RXRA: variants seen among roughly 807,000 people sequenced by gnomAD.
RXRA encodes retinoic acid receptor RXR-alpha.
Under a neutral mutation model 44.5 loss-of-function variants are expected in RXRA, and 5 were observed. The ratio of observed to expected loss-of-function variants is 0.11; its 90% confidence interval spans 0.06 to 0.24. The LOEUF is 0.24. Among genes scored for constraint, RXRA ranks in the 10% least tolerant of loss-of-function variants. RXRA has a pLI of 1.00. For missense variants in RXRA, 412 were observed against 646.5 expected (o/e 0.64, Z 3.93); for synonymous variants, 291 against 271.4 (o/e 1.07, Z -0.71).
At chr9:134,361,885 C>G (rs1410853517) in intron 1 of RXRA, among the ~76,000 whole-genome samples, 1 of 152,198 alleles carries the variant, frequency 6.6e-6, no homozygotes, top group Non-Finnish European at 1.5e-5. Flanking sequence ...GGGTCCCCAT[C>G]TGTAGAATGG....
In RXRA at chr9:134,433,819, G is replaced by A. The variant is rs977956351; in HGVS notation, c.1136-283G>A. On this transcript the variant is annotated intron_variant, in intron 8 of 9. Transcript: ENST00000481739. This position sits in a 1 kb window ranked among gnomAD's most constrained non-coding sequence, Gnocchi z 4.2. The stretch of plus-strand genomic sequence containing the variant: ...CTGACACTTTATCGATGGGGAAACC[G>A]AGTCTCTGGAGGTCAAATAGTTGAC... Among the ~76,000 whole-genome samples the A allele has an allele frequency of 1.3e-5, 2 of 152,188 alleles. No individual in the cohort carries two copies. Among genetic ancestry groups the A allele is most frequent in the Non-Finnish European group, 1.5e-5 (1 of 68,020 alleles).
At chr9:134,423,879 C>T (rs1283817772) in intron 6 of RXRA, 26 of 984,882 alleles carry the variant, frequency 2.6e-5, no homozygotes, top group African/African-American at 3.5e-5. Context: ...GCTCCCACCC[C>T]ACCCCAACCC....
chr9:134,387,685 C>T (rs1323515536), intron 1 of RXRA, among the ~76,000 whole-genome samples: 1 of 152,230 alleles, frequency 6.6e-6, no homozygotes. Flanking sequence ...CATGAGCGTT[C>T]CCCGCATTTT....
In RXRA at chr9:134,439,726, A is replaced by G. The variant is rs1394495310; in HGVS notation, c.*3112A>G. ...GCTCGTCCACGCAGGTGTGTGGTGT[A>G]AACATGTATGTGCTGTACAGAGAGA... On this transcript the variant is annotated 3_prime_UTR_variant, in exon 10 of 10. Coordinates refer to ENST00000481739, the MANE Select transcript of RXRA (RefSeq NM_002957.6). 3 of 152,410 alleles carry G rather than the reference A, an allele frequency of 2.0e-5. No homozygotes were observed. Among genetic ancestry groups the G allele is most frequent in the African/African-American group, 7.2e-5 (3 of 41,464 alleles). The allele number at this position is 152,410 out of a possible 1,614,324, so 9.4% of individuals were successfully genotyped here. A position where few individuals can be genotyped will look rare whatever the true frequency, so the allele number is the denominator to read the frequency against.
intron 6 of RXRA, 103 bp downstream of exon 6, chr9:134,421,908 CTG>C (rs1831339350): frequency 1.3e-6 from 2 of 1,537,980 alleles, no homozygotes; most frequent in Non-Finnish European, 1.7e-6. Flanking sequence ...GGACACTCCC[CTG>C]TCCTGGGACA....
At chr9:134,414,089 C>A (rs1831195016) in intron 4 of RXRA, among the ~76,000 whole-genome samples, 1 of 152,266 alleles carries the variant, frequency 6.6e-6, no homozygotes, top group African/African-American at 2.4e-5. Context: ...AAGCATAAAT[C>A]CCGGCCCCTC....
At chr9:134,428,073 G>A (rs536579716) in intron 6 of RXRA, among the ~76,000 whole-genome samples, 19 of 152,294 alleles carry the variant, frequency 1.2e-4, no homozygotes, top group Non-Finnish European at 2.5e-4. Context: ...GCGTGTGCAC[G>A]CGAGGGTCCC....
At chr9:134,396,795 CCT>C (rs1286145362) in intron 1 of RXRA, among the ~76,000 whole-genome samples, 2 of 152,204 alleles carry the variant, frequency 1.3e-5, no homozygotes, top group Non-Finnish European at 2.9e-5. Flanking sequence ...GTCCGGGTGT[CCT>C]CTGTTTTTCA....
chr9:134,327,063 G>C (rs1406724527), intron 1 of RXRA, among the ~76,000 whole-genome samples: 1 of 151,976 alleles, frequency 6.6e-6, no homozygotes, highest in Non-Finnish European at 1.5e-5. Flanking sequence ...GGGACGGCGC[G>C]CTGGGCCCCG....
chr9:134,424,890 GC>G lies in RXRA; in HGVS notation c.910+3089del, dbSNP rs1168746715. 4.1e-6 allele frequency: 4 copies of G among 985,226 alleles called. No homozygotes were observed. The African/African-American group carries it at 5.2e-5, about 13-fold the overall frequency. The allele number at this position is 985,226 out of a possible 1,614,324, so 61.0% of individuals were successfully genotyped here. On this transcript the variant is annotated intron_variant, in intron 6 of 9. Transcript: ENST00000481739. The stretch of plus-strand genomic sequence containing the variant: ...GGCAGGAGGCAGTGGCAGAGGTGAG[GC>G]CCCGCCCAGCTCCGGCAGGTGCCAG...
chr9:134,335,947 C>A (rs1270711447), intron 1 of RXRA, among the ~76,000 whole-genome samples: 1 of 152,194 alleles, frequency 6.6e-6, no homozygotes, highest in Non-Finnish European at 1.5e-5. Flanking sequence ...TGTGTGAGTG[C>A]AAGGCTATTG....
intron 1 of RXRA, among the ~76,000 whole-genome samples, chr9:134,359,642 G>T (rs1054667608): frequency 1.5e-4 from 23 of 152,150 alleles, no homozygotes; most frequent in Non-Finnish European, 4.4e-5. Flanking sequence ...CACCTGCATT[G>T]TTTTCCCTCC....
At chr9:134,331,783 C>A (rs1004827875) in intron 1 of RXRA, among the ~76,000 whole-genome samples, 1 of 145,988 alleles carries the variant, frequency 6.8e-6, no homozygotes, top group Non-Finnish European at 1.5e-5. Context: ...CCTGCTTTTT[C>A]TCCGGCACTT....
chr9:134,416,988 C>T (rs561012870), intron 4 of RXRA, among the ~76,000 whole-genome samples, 170 bp from the exon 5 acceptor site: 15 of 152,262 alleles, frequency 9.9e-5, no homozygotes, highest in Middle Eastern at 3.4e-3. Flanking sequence ...CACAACCACA[C>T]GGAGGCCAGG....
intron 6 of RXRA, chr9:134,423,561 C>A: frequency 3.0e-6 from 3 of 985,284 alleles, no homozygotes; most frequent in Non-Finnish European, 3.6e-6. Context: ...ACTCTTCTGG[C>A]CATACTGGGC....
At chr9:134,362,915 C>G (rs1307220007) in intron 1 of RXRA, among the ~76,000 whole-genome samples, 1 of 152,270 alleles carries the variant, frequency 6.6e-6, no homozygotes, top group Non-Finnish European at 1.5e-5. Flanking sequence ...TGTCCCCAGC[C>G]TGATGTGCCC....
At chr9:134,423,400 C>G in intron 6 of RXRA, 1 of 985,480 alleles carries the variant, frequency 1.0e-6, no homozygotes, top group Non-Finnish European at 1.2e-6. Flanking sequence ...TCAGCCCATA[C>G]AAGGCGGCTC....
At chr9:134,328,902 G>A (rs1554746320) in intron 1 of RXRA, among the ~76,000 whole-genome samples, 3 of 152,194 alleles carry the variant, frequency 2.0e-5, no homozygotes, top group African/African-American at 4.8e-5. Flanking sequence ...CCACCGAGCC[G>A]CTCAGTGAGG....
In RXRA at chr9:134,436,665, C is replaced by T. The variant is rs370764847; in HGVS notation, c.*51C>T. ...ACCCGTTCTGGCCACCCTGCCTGGACGCCAGCTGTTCTTCTCAGCCTGAGC... is the reference window on the plus strand; with the variant it reads ...ACCCGTTCTGGCCACCCTGCCTGGATGCCAGCTGTTCTTCTCAGCCTGAGC... On this transcript the variant is annotated 3_prime_UTR_variant, in exon 10 of 10. Coordinates refer to ENST00000481739, the MANE Select transcript of RXRA (RefSeq NM_002957.6). 3.4e-5 allele frequency: 55 copies of T among 1,606,056 alleles called. No individual in the cohort carries two copies. Among genetic ancestry groups the T allele is most frequent in the Middle Eastern group, 3.3e-4 (2 of 6,034 alleles).
Sources: allele counts gnomAD v4.1 joint callset (sites outside exome capture counted in the v4.1 genomes callset), GRCh38; gene constraint gnomAD v4.1.1; non-coding constraint Gnocchi (gnomAD v3.1); transcripts MANE v1.5; gene names NCBI Gene and HGNC (gene_info 2026-07-23, HGNC 2026-07-21).